Variants in SLC44A1 observed in about 807,000 individuals in gnomAD.
The protein encoded by SLC44A1 is solute carrier family 44 member 1, also known as choline transporter-like protein 1.
Under a neutral mutation model 79.3 loss-of-function variants are expected in SLC44A1, and 26 were observed. The observed-to-expected ratio is 0.33, with a 90% CI of 0.24 to 0.46. The LOEUF is 0.46. Ranked by LOEUF, SLC44A1 falls within the 20% of genes least tolerant of loss-of-function variation. SLC44A1 has a pLI of 1.00. For synonymous variants in SLC44A1, 263 were observed against 286.2 expected (o/e 0.92, Z 0.82); for missense variants, 688 against 798.1 (o/e 0.86, Z 1.66).
chr9:105,432,597 G>A (rs1356344466), intron 15 of SLC44A1, among the ~76,000 whole-genome samples: 1 of 152,198 alleles, frequency 6.6e-6, no homozygotes, highest in Non-Finnish European at 1.5e-5. Flanking sequence ...AACAATCCAA[G>A]ATTGATCCCT....
intron 12 of SLC44A1, among the ~76,000 whole-genome samples, chr9:105,370,125 A>T (rs1828054395): frequency 6.6e-6 from 1 of 152,254 alleles, no homozygotes; most frequent in Non-Finnish European, 1.5e-5. Flanking sequence ...TAAAAATCTC[A>T]ACCAAGAAGT....
intron 1 of SLC44A1, among the ~76,000 whole-genome samples, chr9:105,283,626 G>T (rs1830409779): frequency 6.6e-6 from 1 of 152,168 alleles, no homozygotes; most frequent in African/African-American, 2.4e-5. Context: ...AGTTTGGTAA[G>T]TGTGAAAGTA....
chr9:105,245,556 TCCCCGCACTCGGAGG>T (rs1182361493), intron 1 of SLC44A1, among the ~76,000 whole-genome samples: 2 of 152,146 alleles, frequency 1.3e-5, no homozygotes, highest in South Asian at 2.1e-4. Context: ...CCCCGCGGCC[TCCCCGCACTCGGAGG>T]CCCCTGCGGG....
intron 3 of SLC44A1, among the ~76,000 whole-genome samples, chr9:105,326,849 A>G (rs75252146): frequency 0.015 from 2,316 of 152,294 alleles, 57 homozygotes; most frequent in African/African-American, 0.053. Context: ...TCTCTGCTAG[A>G]ATCCTACAGC....
chr9:105,434,797 T>C (rs16924620), intron 15 of SLC44A1, among the ~76,000 whole-genome samples: 18,037 of 152,266 alleles, frequency 0.12, 2,773 homozygotes, highest in African/African-American at 0.36. Flanking sequence ...TCAGACTGTA[T>C]ACTTTAGTCT....
At chr9:105,412,822 T>A (rs1829114892) in intron 15 of SLC44A1, among the ~76,000 whole-genome samples, 1 of 152,070 alleles carries the variant, frequency 6.6e-6, no homozygotes, top group Non-Finnish European at 1.5e-5. Flanking sequence ...CAGGCTGATC[T>A]CGAACTCCTG....
chr9:105,351,931 T>C (rs1313773658), intron 5 of SLC44A1, among the ~76,000 whole-genome samples: 2 of 152,190 alleles, frequency 1.3e-5, no homozygotes, highest in Admixed American at 6.5e-5. Context: ...TTGTAGTCTA[T>C]ACCACAGTGA....
At chr9:105,401,862 G>A (rs1179092231), downstream of SLC44A1, among the ~76,000 whole-genome samples, 1 of 152,146 alleles carries the variant, frequency 6.6e-6, no homozygotes, top group Non-Finnish European at 1.5e-5. Flanking sequence ...ATCTTAAGTA[G>A]CTCACAGCCT....
At chr9:105,281,240 G>T (rs1830343088) in intron 1 of SLC44A1, among the ~76,000 whole-genome samples, 1 of 152,304 alleles carries the variant, frequency 6.6e-6, no homozygotes, top group African/African-American at 2.4e-5. Flanking sequence ...AAGGAGAGGG[G>T]TGTTGCTAGG....
At chr9:105,326,479 T>C (rs1421869448) in intron 3 of SLC44A1, among the ~76,000 whole-genome samples, 1 of 152,226 alleles carries the variant, frequency 6.6e-6, no homozygotes, top group African/African-American at 2.4e-5. Flanking sequence ...CCATGGTACA[T>C]GGATAAGCAG....
intron 3 of SLC44A1, among the ~76,000 whole-genome samples, chr9:105,335,279 TGAA>T (rs1186742019): frequency 6.6e-6 from 1 of 152,122 alleles, no homozygotes; most frequent in Non-Finnish European, 1.5e-5. Flanking sequence ...ATTAATGATT[TGAA>T]GAAAACTAAA....
At chr9:105,310,778 A>T (rs931519578) in intron 3 of SLC44A1, among the ~76,000 whole-genome samples, 3 of 152,354 alleles carry the variant, frequency 2.0e-5, no homozygotes, top group East Asian at 1.9e-4. Context: ...GATTAATTTG[A>T]TAATGTCACA....
In SLC44A1 at chr9:105,390,394, T is replaced by A; in HGVS notation, c.*1338T>A. Reference sequence around the variant, plus strand: ...TGTAAAGTAAATATTTCAGAGCAAATTTTTTAAACTTATTGCACTAAATAC... The same window carrying A: ...TGTAAAGTAAATATTTCAGAGCAAAATTTTTAAACTTATTGCACTAAATAC... On this transcript the variant is annotated 3_prime_UTR_variant, in exon 16 of 16. Coordinates refer to ENST00000374720, the MANE Select transcript of SLC44A1 (RefSeq NM_080546.5). 6 of 977,522 alleles carry A rather than the reference T, an allele frequency of 6.1e-6. No homozygotes were observed. The South Asian group carries it at 2.8e-4, about 46-fold the overall frequency. The allele number at this position is 977,522 out of a possible 1,614,324, so 60.6% of individuals were successfully genotyped here.
intron 15 of SLC44A1, among the ~76,000 whole-genome samples, chr9:105,429,166 C>G (rs550289559): frequency 1.2e-4 from 19 of 152,314 alleles, no homozygotes; most frequent in African/African-American, 4.3e-4. Flanking sequence ...GTAAGTGATA[C>G]GCTTCCACAT....
intron 3 of SLC44A1, among the ~76,000 whole-genome samples, chr9:105,311,415 T>C (rs1003126134): frequency 3.9e-5 from 6 of 152,142 alleles, no homozygotes; most frequent in African/African-American, 1.4e-4. Context: ...GGGATTGGAA[T>C]CATTTTTATG....
intron 12 of SLC44A1, among the ~76,000 whole-genome samples, chr9:105,369,289 G>A (rs892134236): frequency 2.0e-5 from 3 of 152,168 alleles, no homozygotes; most frequent in Non-Finnish European, 4.4e-5. Context: ...TAGAGGCTGG[G>A]AAATCCAAGA....
At chr9:105,307,903 G>T (rs1452258895) in intron 2 of SLC44A1, among the ~76,000 whole-genome samples, 1 of 152,172 alleles carries the variant, frequency 6.6e-6, no homozygotes, top group Non-Finnish European at 1.5e-5. Context: ...AGTCAGGAGA[G>T]GGGGAGAGGG....
chr9:105,409,641 C>T (rs1052419082), intron 15 of SLC44A1, among the ~76,000 whole-genome samples: 8 of 152,208 alleles, frequency 5.3e-5, no homozygotes, highest in African/African-American at 1.4e-4. Flanking sequence ...GCTATGATCA[C>T]GCCACTGCAC....
downstream of SLC44A1, chr9:105,397,403 A>G: frequency 1.0e-6 from 1 of 970,814 alleles, no homozygotes; most frequent in South Asian, 4.8e-5. Flanking sequence ...GACTGATAAA[A>G]TCATGGGCAA....
Sources: gnomAD v4.1 joint callset for allele counts (sites outside exome capture counted in the v4.1 genomes callset) on GRCh38, gnomAD v4.1.1 for gene constraint, MANE v1.5 for transcripts, NCBI Gene and HGNC (gene_info 2026-07-23, HGNC 2026-07-21) for gene names.